Variants in AFAP1L1 observed in about 807,000 individuals in gnomAD.
The protein encoded by AFAP1L1 is actin filament associated protein 1 like 1, also known as actin filament-associated protein 1-like 1.
AFAP1L1 carries 77 observed loss-of-function variants against 99.8 expected under a neutral mutation model. The ratio of observed to expected loss-of-function variants is 0.77; its 90% CI spans 0.64 to 0.93. The LOEUF is 0.93. AFAP1L1 is among the 40% of genes least tolerant of loss of function. The probability of loss-of-function intolerance (pLI) is 0.00; values close to 1 mark genes in which losing one functional copy is unlikely to be tolerated. For synonymous variants in AFAP1L1, 373 were observed against 395.3 expected, an observed-to-expected ratio of 0.94 and a Z score of 0.67; for missense variants, 893 against 996.8, an observed-to-expected ratio of 0.90 and a Z score of 1.40.
intron 18 of AFAP1L1, 49 bp from the exon 19 acceptor site, chr5:149,339,958 A>T (rs757427055): frequency 6.2e-7 from 1 of 1,609,324 alleles, no homozygotes; most frequent in African/African-American, 1.3e-5. Flanking sequence ...TATCCATGTC[A>T]CACTAGACCA....
At chr5:149,317,167 AAAATAAATACAT>A (rs1356149656) in intron 11 of AFAP1L1, among the ~76,000 whole-genome samples, 7 of 152,262 alleles carry the variant, frequency 4.6e-5, no homozygotes, top group Non-Finnish European at 7.3e-5. Context: ...CCAGTCTCAA[AAAATAAATACAT>A]AAATAAATAT....
chr5:149,289,996 G>A (rs1440951111), intron 1 of AFAP1L1, among the ~76,000 whole-genome samples: 1 of 152,240 alleles, frequency 6.6e-6, no homozygotes, highest in African/African-American at 2.4e-5. Flanking sequence ...CACTTTGGGA[G>A]GCCGAGGCGG....
chr5:149,307,513 A>G lies in AFAP1L1; in HGVS notation c.647A>G (p.His216Arg), dbSNP rs756353505. 5 of 1,614,102 alleles carry G rather than the reference A, an allele frequency of 3.1e-6. No homozygotes were observed. In the South Asian group the frequency reaches 4.4e-5, roughly 14 times the overall value. Reference sequence around the variant, plus strand: ...TGGCCCTCAGAGGAGGCCTCCATGCACCTGGTGAGGGAATGCAGGATATGT... The same window carrying G: ...TGGCCCTCAGAGGAGGCCTCCATGCGCCTGGTGAGGGAATGCAGGATATGT... ...HQWPSEEASM[H>R]LVRECRICAF... The change falls in exon 7 of 19, where the codon CAC becomes CGC. Residue 216 changes from histidine to arginine, a missense_variant. His to Arg is a conservative substitution (Grantham distance 29). Transcript: ENST00000296721.
intron 4 of AFAP1L1, 95 bp downstream of exon 4, chr5:149,301,325 G>A (rs540251163): frequency 3.4e-4 from 384 of 1,145,256 alleles, no homozygotes; most frequent in Non-Finnish European, 4.6e-4. Context: ...CTCTCCTGGC[G>A]GTTCTGGACC....
At chr5:149,329,292 T>C (rs556702929) in intron 15 of AFAP1L1, among the ~76,000 whole-genome samples, 24 of 152,274 alleles carry the variant, frequency 1.6e-4, no homozygotes, top group African/African-American at 5.5e-4. Context: ...TATTTACAAA[T>C]AAGGAAACTA....
intron 18 of AFAP1L1, among the ~76,000 whole-genome samples, chr5:149,338,006 C>T (rs994582480): frequency 1.3e-5 from 2 of 152,168 alleles, no homozygotes; most frequent in Non-Finnish European, 2.9e-5. Flanking sequence ...GCGTGGAAAC[C>T]ATGAAGGGGG....
At chr5:149,306,514 C>G (rs772404581) in intron 6 of AFAP1L1, 110 bp downstream of exon 6, 1 of 1,017,562 alleles carries the variant, frequency 9.8e-7, no homozygotes, top group Non-Finnish European at 1.4e-6. Context: ...TCACCCAGAC[C>G]ATGGTCACTA....
intron 4 of AFAP1L1, 71 bp downstream of exon 4, chr5:149,301,301 C>G: frequency 6.8e-7 from 1 of 1,460,698 alleles, no homozygotes; most frequent in Non-Finnish European, 9.5e-7. Context: ...AAGCTCTCCC[C>G]TTCCCACTGG....
intron 8 of AFAP1L1, among the ~76,000 whole-genome samples, chr5:149,310,452 C>A (rs528539154): frequency 6.6e-6 from 1 of 152,316 alleles, no homozygotes; most frequent in Admixed American, 6.5e-5. Context: ...CTGATTTCAT[C>A]ATTAGACCAG....
chr5:149,301,350 G>C lies in AFAP1L1; in HGVS notation c.327+120G>C, dbSNP rs1561668791. On this transcript the variant is annotated intron_variant, in intron 4 of 18. Transcript: ENST00000296721. ...GGTTCTGGACCCTGTTGTCTCTCTC[G>C]GGTTGTGGGTGAGGGCACAGGCAGC... 1.4e-5 allele frequency: 11 copies of C among 808,048 alleles called. No homozygotes were observed. The East Asian group carries it at 3.0e-4, about 22-fold the overall frequency. 50.1% of individuals were successfully genotyped at this position (808,048 alleles called of 1,614,324 possible).
chr5:149,289,421 T>C (rs1755784712), intron 1 of AFAP1L1, among the ~76,000 whole-genome samples: 1 of 152,106 alleles, frequency 6.6e-6, no homozygotes, highest in South Asian at 2.1e-4. Context: ...TCTTGGAAAG[T>C]ACTAAGACGA....
Position 149,326,576 on chromosome 5 carries a change from A to G in AFAP1L1, c.1811-3090A>G, listed in dbSNP as rs953394637. ...AAAAAAAAAAAAGAAAGAAAAATAT[A>G]TATATATTTAAAAAGAAATTTTTTA... On this transcript the variant is annotated intron_variant, in intron 15 of 18. Coordinates refer to ENST00000296721, the MANE Select transcript of AFAP1L1 (RefSeq NM_152406.4). 3.4e-5 allele frequency among the ~76,000 whole-genome samples: 5 copies of G among 148,726 alleles called. 1 individual carries two copies. The highest frequency in any genetic ancestry group is 1.2e-4 in the African/African-American group (5 of 40,962).
At position 149,301,188 on chromosome 5, in the gene AFAP1L1, A is replaced by G. The variant is rs1286548162; in HGVS notation, c.285A>G (p.Lys95=). The G allele has an allele frequency of 6.2e-7, 1 of 1,614,046 alleles. No homozygotes were observed. ...DMPEDDGEPS[K]GASPELAKSP... The stretch of plus-strand genomic sequence containing the variant: ...CAGAGGATGATGGGGAGCCCAGCAA[A>G]GGAGCCAGCCCTGAGCTAGCCAAGA... Residue 95 remains lysine, a synonymous_variant, in exon 4 of 19, where the codon AAA becomes AAG. Transcript: ENST00000296721.
intron 15 of AFAP1L1, among the ~76,000 whole-genome samples, chr5:149,329,332 C>T (rs1464279903): frequency 1.3e-5 from 2 of 152,156 alleles, no homozygotes; most frequent in Non-Finnish European, 2.9e-5. Context: ...CAGAAGAACA[C>T]TACCAGTCAC....
At chr5:149,309,651 C>T (rs1042671373) in intron 7 of AFAP1L1, among the ~76,000 whole-genome samples, 2 of 152,314 alleles carry the variant, frequency 1.3e-5, no homozygotes, top group South Asian at 2.1e-4. Flanking sequence ...GGCTTCCTCC[C>T]GAGCCAGCCC....
chr5:149,307,201 C>G (rs1756444299), intron 6 of AFAP1L1, among the ~76,000 whole-genome samples: 1 of 151,958 alleles, frequency 6.6e-6, no homozygotes, highest in Non-Finnish European at 1.5e-5. Context: ...GAGCCGAGAT[C>G]ACGCCACTGT....
intron 9 of AFAP1L1, among the ~76,000 whole-genome samples, chr5:149,314,934 G>T (rs1397738636): frequency 6.6e-6 from 1 of 152,180 alleles, no homozygotes; most frequent in Non-Finnish European, 1.5e-5. Context: ...TGTTAGAAAT[G>T]ATACAGTCCA....
chr5:149,314,313 C>T (rs1756731535), intron 9 of AFAP1L1, among the ~76,000 whole-genome samples: 1 of 152,168 alleles, frequency 6.6e-6, no homozygotes, highest in Admixed American at 6.5e-5. Flanking sequence ...CACTTGCCAG[C>T]ACATGCTGAG....
intron 7 of AFAP1L1, among the ~76,000 whole-genome samples, chr5:149,308,772 C>A (rs1756515502): frequency 1.3e-5 from 2 of 152,066 alleles, no homozygotes; most frequent in African/African-American, 2.4e-5. Context: ...GAGCAGGCAT[C>A]CTTGTCTCAG....
Sources: gnomAD v4.1 joint callset for allele counts (sites outside exome capture counted in the v4.1 genomes callset) on GRCh38, gnomAD v4.1.1 for gene constraint, MANE v1.5 for transcripts, NCBI Gene and HGNC (gene_info 2026-07-23, HGNC 2026-07-21) for gene names.